Variants in SLC24A2 observed in about 807,000 individuals in gnomAD.
SLC24A2 encodes the protein solute carrier family 24 member 2.
Under a neutral mutation model 62.0 loss-of-function variants are expected in SLC24A2, and 36 were observed. The ratio of observed to expected loss-of-function variants is 0.58; its 90% CI spans 0.44 to 0.77. The LOEUF is 0.77. SLC24A2 is among the 30% of genes least tolerant of loss of function. The pLI is 0.00. For synonymous variants in SLC24A2, 358 were observed against 294.0 expected (o/e 1.22, Z -2.23); for missense variants, 846 against 817.9 (o/e 1.03, Z -0.42).
chr9:19,899,733 T>TA, the SLC24A2 span, among the ~76,000 whole-genome samples: 1 of 152,154 alleles, frequency 6.6e-6, no homozygotes, highest in Non-Finnish European at 1.5e-5. Flanking sequence ...TTAGGAAACT[T>TA]ACAATCATGG....
At chr9:20,299,895 G>C in the SLC24A2 span, among the ~76,000 whole-genome samples, 2 of 152,134 alleles carry the variant, frequency 1.3e-5, 1 homozygote, top group South Asian at 4.1e-4. Flanking sequence ...AGAAAAATCA[G>C]CTAACTCTGT....
chr9:19,977,336 C>A, the SLC24A2 span, among the ~76,000 whole-genome samples: 1 of 152,014 alleles, frequency 6.6e-6, no homozygotes, highest in East Asian at 1.9e-4. Flanking sequence ...AACTGAAGTG[C>A]GTATTGAATA....
At chr9:19,704,983 G>C (rs984943444) in intron 2 of SLC24A2, among the ~76,000 whole-genome samples, 2 of 152,044 alleles carry the variant, frequency 1.3e-5, no homozygotes, top group African/African-American at 4.8e-5. Flanking sequence ...AGTTGAAAGA[G>C]GACCCAGCTG....
At chr9:19,921,078 TGG>T in the SLC24A2 span, among the ~76,000 whole-genome samples, 6 of 135,694 alleles carry the variant, frequency 4.4e-5, no homozygotes, top group Admixed American at 7.3e-5. Context: ...ATAATTATTA[TGG>T]GGGGGGGGTG....
At chr9:20,091,492 C>G in the SLC24A2 span, among the ~76,000 whole-genome samples, 1 of 151,992 alleles carries the variant, frequency 6.6e-6, no homozygotes, top group African/African-American at 2.4e-5. Flanking sequence ...ATCAGGCTAC[C>G]AGACCACCTC....
At chr9:20,278,182 T>A in the SLC24A2 span, among the ~76,000 whole-genome samples, 1 of 152,096 alleles carries the variant, frequency 6.6e-6, no homozygotes, top group Non-Finnish European at 1.5e-5. Flanking sequence ...CATGTATACA[T>A]ATGTAACAAA....
At chr9:20,082,089 A>C in the SLC24A2 span, among the ~76,000 whole-genome samples, 1 of 152,196 alleles carries the variant, frequency 6.6e-6, no homozygotes. Flanking sequence ...ATCTTATGCC[A>C]AATAAATTTG....
the SLC24A2 span, among the ~76,000 whole-genome samples, chr9:20,140,493 G>C: frequency 2.6e-5 from 4 of 152,170 alleles, no homozygotes; most frequent in Non-Finnish European, 5.9e-5. Flanking sequence ...AGGCAGACTG[G>C]AAAGCATAGA....
chr9:19,732,443 T>A (rs1395332701), intron 2 of SLC24A2, among the ~76,000 whole-genome samples: 2 of 152,218 alleles, frequency 1.3e-5, no homozygotes, highest in Non-Finnish European at 2.9e-5. Flanking sequence ...CCATCAGGGC[T>A]GGCAGCCTTT....
At chr9:19,920,884 A>T in the SLC24A2 span, among the ~76,000 whole-genome samples, 2 of 152,278 alleles carry the variant, frequency 1.3e-5, no homozygotes, top group Non-Finnish European at 2.9e-5. Flanking sequence ...CCTGGGTTCA[A>T]ACCAGATCTG....
intron 2 of SLC24A2, among the ~76,000 whole-genome samples, chr9:19,717,059 T>A (rs1285975794): frequency 6.6e-6 from 1 of 152,226 alleles, no homozygotes; most frequent in Non-Finnish European, 1.5e-5. Flanking sequence ...GAGTTCTGGA[T>A]AATGAACTAC....
chr9:19,536,205 T>C (rs994055562), intron 8 of SLC24A2, among the ~76,000 whole-genome samples: 1 of 140,520 alleles, frequency 7.1e-6, no homozygotes, highest in Non-Finnish European at 1.5e-5. Context: ...TATTTATTTA[T>C]TTTTTTTTAT....
At chr9:19,982,357 C>T in the SLC24A2 span, among the ~76,000 whole-genome samples, 1 of 152,028 alleles carries the variant, frequency 6.6e-6, no homozygotes, top group Non-Finnish European at 1.5e-5. Flanking sequence ...GCAGAATAAC[C>T]CATAAAGGCA....
the SLC24A2 span, among the ~76,000 whole-genome samples, chr9:19,898,560 G>T: frequency 5.9e-5 from 9 of 152,134 alleles, no homozygotes; most frequent in Non-Finnish European, 2.9e-5. Flanking sequence ...GGCTAACATG[G>T]AGAAACTCCA....
At chr9:20,008,242 C>T in the SLC24A2 span, among the ~76,000 whole-genome samples, 1 of 151,938 alleles carries the variant, frequency 6.6e-6, no homozygotes, top group Non-Finnish European at 1.5e-5. Context: ...CCTCTCCCCA[C>T]CCCTATCCAC....
intron 2 of SLC24A2, among the ~76,000 whole-genome samples, chr9:19,771,521 G>T (rs1047354854): frequency 6.6e-6 from 1 of 152,164 alleles, no homozygotes; most frequent in African/African-American, 2.4e-5. Context: ...AGAGCAGCCT[G>T]GCTGCTCATC....
the SLC24A2 span, among the ~76,000 whole-genome samples, chr9:20,078,649 G>C: frequency 2.6e-5 from 4 of 152,024 alleles, no homozygotes; most frequent in Non-Finnish European, 5.9e-5. Flanking sequence ...CTCCCTTCTG[G>C]CTACTCCTTC....
the SLC24A2 span, among the ~76,000 whole-genome samples, chr9:19,815,172 G>C: frequency 6.6e-6 from 1 of 152,146 alleles, no homozygotes; most frequent in Non-Finnish European, 1.5e-5. Flanking sequence ...CTGAGAGTAA[G>C]AGCTCTCTTG....
the SLC24A2 span, among the ~76,000 whole-genome samples, chr9:20,281,835 A>G: frequency 6.6e-6 from 1 of 152,330 alleles, no homozygotes; most frequent in African/African-American, 2.4e-5. Context: ...GGGAAAATTG[A>G]TATCTCTACA....
Sources: gnomAD v4.1 joint callset for allele counts (sites outside exome capture counted in the v4.1 genomes callset) on GRCh38, gnomAD v4.1.1 for gene constraint, MANE v1.5 for transcripts, NCBI Gene and HGNC (gene_info 2026-07-23, HGNC 2026-07-21) for gene names.